The following DCAF6 variants were observed in gnomAD, a reference collection of about 807,000 sequenced individuals.
DCAF6 encodes DDB1- and CUL4-associated factor 6.
Under a neutral mutation model 125.1 loss-of-function variants are expected in DCAF6, and 54 were observed. The observed-to-expected ratio is 0.43, with a 90% CI of 0.35 to 0.54. DCAF6 has a LOEUF of 0.54. DCAF6 is among the 20% of genes least tolerant of loss of function. DCAF6 has a pLI of 0.01. For missense variants in DCAF6, 934 were observed against 1,161.7 expected, an observed-to-expected ratio of 0.80 and a Z score of 2.85; for synonymous variants, 371 against 390.4, an observed-to-expected ratio of 0.95 and a Z score of 0.58.
At chr1:168,013,615 C>T (rs1684580507) in intron 10 of DCAF6, among the ~76,000 whole-genome samples, 3 of 152,250 alleles carry the variant, frequency 2.0e-5, no homozygotes, top group Admixed American at 2.0e-4. Context: ...TTAGTTTACT[C>T]AGGGACATCA....
At chr1:167,936,014 C>T (rs1011205080), upstream of DCAF6, 1 of 614,742 alleles carries the variant, frequency 1.6e-6, no homozygotes, top group Non-Finnish European at 2.9e-6. Context: ...AAGCTGCGGC[C>T]CGCGCCCCGC....
At chr1:167,989,985 A>G (rs1017546231) in intron 5 of DCAF6, among the ~76,000 whole-genome samples, 10 of 152,188 alleles carry the variant, frequency 6.6e-5, no homozygotes, top group Non-Finnish European at 1.5e-4. Flanking sequence ...TAATTCTTCT[A>G]CAGAGATAAG....
the DCAF6 span, among the ~76,000 whole-genome samples, chr1:167,911,559 C>T: frequency 4.6e-5 from 7 of 152,244 alleles, no homozygotes; most frequent in African/African-American, 9.6e-5. Context: ...AGTTGCTAGC[C>T]GATCGGGACA....
the DCAF6 span, among the ~76,000 whole-genome samples, chr1:167,891,560 G>A: frequency 1.3e-5 from 2 of 151,440 alleles, no homozygotes; most frequent in Non-Finnish European, 2.9e-5. Context: ...GGAGGCTGAG[G>A]CAGGAGAATG....
At chr1:167,880,784 C>T in the DCAF6 span, among the ~76,000 whole-genome samples, 1 of 152,214 alleles carries the variant, frequency 6.6e-6, no homozygotes, top group Non-Finnish European at 1.5e-5. Context: ...ACTGCATCAT[C>T]AACAGGAGGG....
At chr1:168,015,999 A>T (rs1479651166) in intron 11 of DCAF6, 48 bp downstream of exon 11, 1 of 1,380,018 alleles carries the variant, frequency 7.2e-7, no homozygotes, top group East Asian at 2.9e-5. Flanking sequence ...TTGTTTTTTA[A>T]TACTGCTACT....
rs554861802 is a variant in DCAF6 at position 168,055,331 on chromosome 1, GTTTTTTTTTTTT to G, written c.2300+4416_2300+4427del. Among the ~76,000 whole-genome samples, 21 of 31,628 alleles carry G rather than the reference GTTTTTTTTTTTT, an allele frequency of 6.6e-4. 5 individuals are homozygous for G. The highest frequency in any genetic ancestry group is 6.0e-3 in the South Asian group (6 of 994). The allele number at this position is 31,628 out of a possible 152,430, so 20.7% of individuals were successfully genotyped here. On this transcript the variant is annotated intron_variant, in intron 17 of 21. Coordinates refer to ENST00000367840, the MANE Select transcript of DCAF6 (RefSeq NM_001198956.2). ...TTGAATTGAAAAAAATCAGGCTTAA[GTTTTTTTTTTTT>G]TTTTTTTTTTTTTTTTTAACGAAGA...
At position 167,939,902 on chromosome 1, in the gene DCAF6, A is replaced by G. The variant is rs191339432; in HGVS notation, c.97+2894A>G. On this transcript the variant is annotated intron_variant, in intron 1 of 21. Transcript: ENST00000367840. ...CAATATTTAAACATTACGATTGTCT[A>G]TCTACAGGGTTGTAGATTTAAGTAT... Among the ~76,000 whole-genome samples, 448 of 152,314 alleles carry G rather than the reference A, an allele frequency of 2.9e-3. 1 individual carries two copies. Among genetic ancestry groups the G allele is most frequent in the African/African-American group, 0.01 (423 of 41,558 alleles).
At chr1:167,928,320 A>G in the DCAF6 span, among the ~76,000 whole-genome samples, 144 of 116,276 alleles carry the variant, frequency 1.2e-3, no homozygotes, top group Non-Finnish European at 1.8e-3. Context: ...TGCACTCCAG[A>G]AAAAAAAAAA....
chr1:167,869,367 T>C, the DCAF6 span, among the ~76,000 whole-genome samples: 1 of 152,110 alleles, frequency 6.6e-6, no homozygotes, highest in South Asian at 2.1e-4. Context: ...AAGGCATAAG[T>C]GGCAAAAATA....
At chr1:167,957,965 C>T (rs77066357) in intron 2 of DCAF6, among the ~76,000 whole-genome samples, 3,405 of 151,966 alleles carry the variant, frequency 0.022, 62 homozygotes, top group Middle Eastern at 0.055. Flanking sequence ...CTATTTAAAT[C>T]CTTTACCTAT....
intron 21 of DCAF6, among the ~76,000 whole-genome samples, chr1:168,070,926 A>G (rs962087363): frequency 6.6e-6 from 1 of 152,182 alleles, no homozygotes; most frequent in African/African-American, 2.4e-5. Context: ...ATCTCTTGAC[A>G]TTCTTCCCAT....
At chr1:167,935,542 T>C (rs533792166), upstream of DCAF6, among the ~76,000 whole-genome samples, 102 of 152,084 alleles carry the variant, frequency 6.7e-4, no homozygotes, top group Non-Finnish European at 1.2e-3. Flanking sequence ...TTGAGATACG[T>C]TGGCTTAGGA....
At chr1:167,872,318 A>G in the DCAF6 span, among the ~76,000 whole-genome samples, 5 of 152,054 alleles carry the variant, frequency 3.3e-5, no homozygotes, top group South Asian at 1.0e-3. Context: ...AGCCTGGGCA[A>G]CAAGAGCAAA....
At chr1:168,072,616 C>CACTGTTAAGCA (rs1693255689) in intron 21 of DCAF6, among the ~76,000 whole-genome samples, 4 of 152,088 alleles carry the variant, frequency 2.6e-5, no homozygotes, top group African/African-American at 9.7e-5. Context: ...CAGTGCCTAC[C>CACTGTTAAGCA]ACATAGTAGT....
the DCAF6 span, among the ~76,000 whole-genome samples, chr1:167,891,436 C>T: frequency 6.6e-6 from 1 of 151,514 alleles, no homozygotes; most frequent in Non-Finnish European, 1.5e-5. Flanking sequence ...GCGGGAAGAT[C>T]ACGAGGTCAG....
At chr1:168,064,212 A>G (rs1692042900) in intron 18 of DCAF6, among the ~76,000 whole-genome samples, 1 of 152,010 alleles carries the variant, frequency 6.6e-6, no homozygotes, top group Admixed American at 6.6e-5. Flanking sequence ...AAGATTGACA[A>G]GTGAAAATTT....
chr1:167,910,230 T>A, the DCAF6 span, among the ~76,000 whole-genome samples: 4 of 152,330 alleles, frequency 2.6e-5, no homozygotes, highest in African/African-American at 9.6e-5. Context: ...CTAAGGAGAT[T>A]AAGCACCTTT....
chr1:167,892,179 C>T, the DCAF6 span, among the ~76,000 whole-genome samples: 1 of 152,038 alleles, frequency 6.6e-6, no homozygotes, highest in Non-Finnish European at 1.5e-5. Context: ...GCCATGTTGT[C>T]CAGGCTGGTC....
Sources: gnomAD v4.1 joint callset for allele counts (sites outside exome capture counted in the v4.1 genomes callset) on GRCh38, gnomAD v4.1.1 for gene constraint, MANE v1.5 for transcripts, NCBI Gene and HGNC (gene_info 2026-07-23, HGNC 2026-07-21) for gene names.